Variants in NXPH2 observed in about 807,000 individuals in gnomAD.
NXPH2 encodes neurexophilin 2.
Under a neutral mutation model 19.8 loss-of-function variants are expected in NXPH2, and 5 were observed. The observed-to-expected ratio is 0.25, with a 90% CI of 0.13 to 0.53. The LOEUF (loss-of-function observed/expected upper bound fraction) is 0.53, where lower values mean the gene tolerates loss of function less well. Among genes scored for constraint, NXPH2 ranks in the 20% least tolerant of loss-of-function variants. The pLI, the probability that NXPH2 is intolerant of heterozygous loss-of-function variation, is 0.96. For synonymous variants in NXPH2, 154 were observed against 127.4 expected, an observed-to-expected ratio of 1.21 and a Z score of -1.41; for missense variants, 289 against 322.8, an observed-to-expected ratio of 0.90 and a Z score of 0.80.
At chr2:138,731,994 G>A (rs778192765) in intron 1 of NXPH2, among the ~76,000 whole-genome samples, 39 of 152,192 alleles carry the variant, frequency 2.6e-4, no homozygotes, top group Non-Finnish European at 2.4e-4. Context: ...TCTCTGCATA[G>A]GCTTCTATGG....
chr2:138,719,765 T>A (rs1681248062), intron 1 of NXPH2, among the ~76,000 whole-genome samples: 1 of 152,122 alleles, frequency 6.6e-6, no homozygotes, highest in African/African-American at 2.4e-5. Flanking sequence ...AGTCTTTATT[T>A]TTTCATAGCC....
intron 1 of NXPH2, 31 bp from the exon 2 acceptor site, chr2:138,671,696 T>G: frequency 6.6e-7 from 1 of 1,519,006 alleles, no homozygotes; most frequent in Non-Finnish European, 8.8e-7. Context: ...GAAATAAACT[T>G]TAGGTTAGTG....
chr2:138,707,102 A>AAAAAAAAAAAAAAAAAAC (rs1383625242), intron 1 of NXPH2, among the ~76,000 whole-genome samples: 1 of 145,766 alleles, frequency 6.9e-6, no homozygotes, highest in Non-Finnish European at 1.5e-5. Context: ...GACAAAAAAA[A>AAAAAAAAAAAAAAAAAAC]AAAAAAAAAA....
At chr2:138,742,115 T>C (rs1464548901) in intron 1 of NXPH2, among the ~76,000 whole-genome samples, 1 of 152,176 alleles carries the variant, frequency 6.6e-6, no homozygotes, top group Non-Finnish European at 1.5e-5. Flanking sequence ...AGGGTATTAA[T>C]CCCAGGAATA....
In NXPH2 at chr2:138,731,525, C is replaced by A. The variant is rs114113565; in HGVS notation, c.51+48666G>T. 6.6e-3 allele frequency among the ~76,000 whole-genome samples: 999 copies of A among 152,108 alleles called. 5 individuals are homozygous for A. The highest frequency in any genetic ancestry group is 0.01 in the Non-Finnish European group (682 of 68,008). ...GGCTTTGACAATTTAAGGTAAGAGT[C>A]ATGATTAATATAATGATTGGGCTAA... is the stretch of plus-strand genomic sequence containing the variant. On this transcript the variant is annotated intron_variant, in intron 1 of 1. Coordinates refer to ENST00000272641, the MANE Select transcript of NXPH2 (RefSeq NM_007226.3).
chr2:138,679,295 C>A (rs1308872029), intron 1 of NXPH2, among the ~76,000 whole-genome samples: 4 of 152,216 alleles, frequency 2.6e-5, no homozygotes, highest in Admixed American at 1.3e-4. Context: ...ATATTGCCAC[C>A]ACCCTTGCTG....
intron 1 of NXPH2, among the ~76,000 whole-genome samples, chr2:138,760,864 ACT>A (rs901291019): frequency 2.6e-5 from 4 of 152,188 alleles, no homozygotes; most frequent in South Asian, 2.1e-4. Flanking sequence ...CCAGGTGTGG[ACT>A]CTCTGTCTGA....
intron 1 of NXPH2, among the ~76,000 whole-genome samples, chr2:138,726,010 C>T (rs1369985186): frequency 2.0e-5 from 3 of 152,124 alleles, no homozygotes; most frequent in Admixed American, 6.6e-5. Flanking sequence ...CATAACACCT[C>T]CCAAAGCGTG....
chr2:138,705,373 T>C (rs1342859778), intron 1 of NXPH2, among the ~76,000 whole-genome samples: 1 of 152,168 alleles, frequency 6.6e-6, no homozygotes, highest in African/African-American at 2.4e-5. Flanking sequence ...TGAGGCATTT[T>C]GAGACAATAA....
chr2:138,715,527 G>T (rs1393077636), intron 1 of NXPH2, among the ~76,000 whole-genome samples: 1 of 152,142 alleles, frequency 6.6e-6, no homozygotes, highest in Non-Finnish European at 1.5e-5. Context: ...ATAAACCAGG[G>T]TTTGTTTACC....
chr2:138,759,083 C>A (rs936220859), intron 1 of NXPH2, among the ~76,000 whole-genome samples: 1 of 152,118 alleles, frequency 6.6e-6, no homozygotes, highest in African/African-American at 2.4e-5. Context: ...TCTGGTGCAT[C>A]ATTTTTCCAG....
In NXPH2 at chr2:138,766,326, G is replaced by A. The variant is rs540971391; in HGVS notation, c.51+13865C>T. Among the ~76,000 whole-genome samples, 70 of 152,264 alleles carry A rather than the reference G, an allele frequency of 4.6e-4. 1 individual carries two copies. Among genetic ancestry groups the A allele is most frequent in the Non-Finnish European group, 7.2e-4 (49 of 68,034 alleles). ...TGAGAGAGGCTGAAGCAGTCACTTG[G>A]TTCAGCTTCTCGCATAGCCAGAAAT... On this transcript the variant is annotated intron_variant, in intron 1 of 1. Transcript: ENST00000272641.
At position 138,670,461 on chromosome 2, in the gene NXPH2, A is replaced by C. The variant is rs189446434; in HGVS notation, c.*461T>G. On this transcript the variant is annotated 3_prime_UTR_variant, in exon 2 of 2. Transcript: ENST00000272641. ...GGGGAAAAGATAGAAATATAAAAAA[A>C]AGGGTCCAATGTCAAAAACACAATT... is the stretch of plus-strand genomic sequence containing the variant. 5.9e-5 allele frequency among the ~76,000 whole-genome samples: 9 copies of C among 152,352 alleles called. No individual in the cohort carries two copies. Among genetic ancestry groups the C allele is most frequent in the African/African-American group, 2.2e-4 (9 of 41,592 alleles).
chr2:138,722,383 GGGAAGGAAAATCAA>G (rs1373348163), intron 1 of NXPH2, among the ~76,000 whole-genome samples: 1 of 152,198 alleles, frequency 6.6e-6, no homozygotes, highest in East Asian at 1.9e-4. Context: ...CTGGGCTTGG[GGGAAGGAAAATCAA>G]GGAAGTATGT....
In NXPH2 at chr2:138,707,094, C is replaced by CAAAAAAAAAAAAAAAAAA. The variant is rs70982073; in HGVS notation, c.52-35447_52-35430dup. Among the ~76,000 whole-genome samples the CAAAAAAAAAAAAAAAAAA allele has an allele frequency of 3.9e-3, 135 of 34,764 alleles. 17 individuals carry two copies. Among genetic ancestry groups the CAAAAAAAAAAAAAAAAAA allele is most frequent in the Admixed American group, 6.5e-3 (11 of 1,698 alleles). 22.8% of individuals were successfully genotyped at this position (34,764 alleles called of 152,430 possible). A position where few individuals can be genotyped will look rare whatever the true frequency, so the allele number is the denominator to read the frequency against. On this transcript the variant is annotated intron_variant, in intron 1 of 1. Coordinates refer to ENST00000272641, the MANE Select transcript of NXPH2 (RefSeq NM_007226.3). ...ATGACTTTAAGTACTTGCCCCATGA[C>CAAAAAAAAAAAAAAAAAA]AAAAAAAAAAAAAAAAAAGAGCAAG...
chr2:138,670,730 C>T lies in NXPH2; in HGVS notation c.*192G>A. On this transcript the variant is annotated 3_prime_UTR_variant, in exon 2 of 2. Transcript: ENST00000272641. ...CAGTTTAACTTTTTAGATAAAGGTA[C>T]CTACGATAGAAAGAAACAAATTTCA... The T allele has an allele frequency of 1.9e-6, 1 of 527,946 alleles. No homozygotes were observed. The highest frequency in any genetic ancestry group is 3.2e-6 in the Non-Finnish European group (1 of 310,564). The allele number at this position is 527,946 out of a possible 1,614,324, so 32.7% of individuals were successfully genotyped here. A position where few individuals can be genotyped will look rare whatever the true frequency, so the allele number is the denominator to read the frequency against.
At chr2:138,688,385 T>C (rs1680693792) in intron 1 of NXPH2, among the ~76,000 whole-genome samples, 1 of 152,178 alleles carries the variant, frequency 6.6e-6, no homozygotes, top group Non-Finnish European at 1.5e-5. Context: ...TTTCACTGTG[T>C]TGCCCAGGCT....
intron 1 of NXPH2, among the ~76,000 whole-genome samples, chr2:138,777,628 G>GTCACA (rs1682286024): frequency 6.6e-6 from 1 of 151,316 alleles, no homozygotes; most frequent in African/African-American, 2.4e-5. Context: ...TGACTTATTT[G>GTCACA]GGCTCAATTC....
intron 1 of NXPH2, among the ~76,000 whole-genome samples, chr2:138,729,787 G>A (rs1681418135): frequency 6.6e-6 from 1 of 152,116 alleles, no homozygotes; most frequent in Non-Finnish European, 1.5e-5. Context: ...ACATGACCCT[G>A]TATCTTTTGA....
Sources: allele counts gnomAD v4.1 joint callset (sites outside exome capture counted in the v4.1 genomes callset), GRCh38; gene constraint gnomAD v4.1.1; transcripts MANE v1.5; gene names NCBI Gene and HGNC (gene_info 2026-07-23, HGNC 2026-07-21).